Variants in UNC79 observed in about 807,000 individuals in gnomAD.
UNC79 encodes protein unc-79 homolog.
UNC79 carries 37 observed loss-of-function variants against 283.1 expected under a neutral mutation model. That is an observed-to-expected ratio of 0.13 (90% CI 0.10 to 0.17). UNC79 has a LOEUF of 0.17. Ranked by LOEUF, UNC79 falls within the 10% of genes least tolerant of loss-of-function variation. UNC79 has a pLI of 1.00. For synonymous variants in UNC79, 1,107 were observed against 1,200.2 expected (o/e 0.92, Z 1.61); for missense variants, 2,272 against 3,211.1 (o/e 0.71, Z 7.07).
intron 10 of UNC79, among the ~76,000 whole-genome samples, chr14:93,530,769 C>T (rs951295479): frequency 2.0e-5 from 3 of 151,976 alleles, no homozygotes; most frequent in African/African-American, 4.8e-5. Context: ...ATTAGCCGGG[C>T]GTGGCGGCGG....
In UNC79 at chr14:93,611,294, T is replaced by G. The variant is rs561683752; in HGVS notation, c.3755-1503T>G. Among the ~76,000 whole-genome samples, 3 of 150,410 alleles carry G rather than the reference T, an allele frequency of 2.0e-5. No homozygotes were observed. The South Asian group carries it at 6.4e-4, about 32-fold the overall frequency. ...TGAGTGTCCTGGAATCATACTAAAG[T>G]GTGTCAGATGGTTTTCTCTGTATTA... On this transcript the variant is annotated intron_variant, in intron 26 of 48. Coordinates refer to ENST00000555664, the Ensembl canonical transcript of UNC79.
intron 3 of UNC79, among the ~76,000 whole-genome samples, chr14:93,475,738 G>A (rs533605759): frequency 2.6e-5 from 4 of 152,276 alleles, no homozygotes; most frequent in East Asian, 3.9e-4. Flanking sequence ...ACTGTGTTAG[G>A]GGAGCTGCCC....
At chr14:93,356,465 G>A (rs892230893) in intron 1 of UNC79, among the ~76,000 whole-genome samples, 36 of 152,142 alleles carry the variant, frequency 2.4e-4, no homozygotes, top group Admixed American at 6.5e-5. Flanking sequence ...CCTCACCCAC[G>A]AGAGACTGTC....
intron 7 of UNC79, among the ~76,000 whole-genome samples, chr14:93,518,339 T>C (rs181439030): frequency 1.3e-5 from 2 of 152,106 alleles, no homozygotes; most frequent in East Asian, 3.9e-4. Context: ...TTTTAAGGAA[T>C]GTGAGCATCT....
chr14:93,506,138 A>G (rs1567020023), intron 7 of UNC79, among the ~76,000 whole-genome samples: 2 of 151,696 alleles, frequency 1.3e-5, no homozygotes, highest in Admixed American at 6.6e-5. Context: ...GTGCCATTCT[A>G]CTGAAGATAC....
intron 4 of UNC79, among the ~76,000 whole-genome samples, chr14:93,482,174 C>A (rs1172469907): frequency 6.6e-6 from 1 of 152,180 alleles, no homozygotes; most frequent in Non-Finnish European, 1.5e-5. Flanking sequence ...TTGAAATTCA[C>A]ACACTGTCCT....
intron 1 of UNC79, among the ~76,000 whole-genome samples, chr14:93,424,797 G>T (rs1371186817): frequency 6.6e-6 from 1 of 152,096 alleles, no homozygotes; most frequent in Non-Finnish European, 1.5e-5. Context: ...TCTAGTATTT[G>T]CTAGCTCAGT....
chr14:93,442,876 G>A (rs1192810389), intron 1 of UNC79, among the ~76,000 whole-genome samples: 2 of 152,040 alleles, frequency 1.3e-5, no homozygotes, highest in Non-Finnish European at 2.9e-5. Context: ...ATCACTTTAG[G>A]TCAGGAGTTT....
chr14:93,486,656 GGAAAAAAAAAAA>G (rs2058455845), intron 4 of UNC79, among the ~76,000 whole-genome samples: 1 of 78,508 alleles, frequency 1.3e-5, no homozygotes, highest in African/African-American at 4.2e-5. Flanking sequence ...CTCTGTCTAA[GGAAAAAAAAAAA>G]AAAAAAAAAA....
chr14:93,389,836 A>G (rs1353894047), intron 1 of UNC79, among the ~76,000 whole-genome samples: 1 of 152,132 alleles, frequency 6.6e-6, no homozygotes, highest in Non-Finnish European at 1.5e-5. Flanking sequence ...TATTTTTAGT[A>G]GAGATGGGGT....
chr14:93,599,382 G>A (rs866648239), intron 24 of UNC79, among the ~76,000 whole-genome samples: 4 of 151,132 alleles, frequency 2.6e-5, no homozygotes, highest in African/African-American at 7.4e-5. Context: ...GTGTGTGTGT[G>A]TGTATGTGTG....
intron 1 of UNC79, among the ~76,000 whole-genome samples, chr14:93,352,227 A>G (rs2053992434): frequency 2.6e-5 from 4 of 152,168 alleles, no homozygotes; most frequent in South Asian, 2.1e-4. Context: ...CACAGGCTCA[A>G]TCTTCTGATT....
At chr14:93,536,782 C>A (rs34525413) in intron 11 of UNC79, among the ~76,000 whole-genome samples, 1 of 82,434 alleles carries the variant, frequency 1.2e-5, no homozygotes, top group East Asian at 4.5e-4. Flanking sequence ...CCACCCCCGG[C>A]TTTTTTTTTT....
chr14:93,509,889 G>A (rs1395552456), intron 7 of UNC79, among the ~76,000 whole-genome samples: 2 of 152,162 alleles, frequency 1.3e-5, no homozygotes, highest in Non-Finnish European at 2.9e-5. Flanking sequence ...CTGTGTACGG[G>A]CTTCAACTCT....
intron 1 of UNC79, among the ~76,000 whole-genome samples, chr14:93,349,695 C>T (rs1182058898): frequency 2.0e-5 from 3 of 152,140 alleles, no homozygotes; most frequent in Admixed American, 1.3e-4. Flanking sequence ...TGAAAGTGGA[C>T]TGTTTAAAGT....
At chr14:93,678,839 A>G (rs2073583099) in intron 41 of UNC79, among the ~76,000 whole-genome samples, 1 of 152,222 alleles carries the variant, frequency 6.6e-6, no homozygotes, top group Non-Finnish European at 1.5e-5. Flanking sequence ...CTTTTTAATG[A>G]AAAAGAGGCG....
At chr14:93,464,446 C>T (rs754521026) in intron 1 of UNC79, 54 of 444,596 alleles carry the variant, frequency 1.2e-4, no homozygotes, top group Non-Finnish European at 2.2e-4. Flanking sequence ...GGACAGCAGT[C>T]AGATTGGATT....
At chr14:93,581,747 C>T (rs1013758505) in intron 19 of UNC79, among the ~76,000 whole-genome samples, 1 of 152,090 alleles carries the variant, frequency 6.6e-6, no homozygotes, top group Non-Finnish European at 1.5e-5. Context: ...CCACCTCGGC[C>T]TCCCAAAGTG....
intron 19 of UNC79, among the ~76,000 whole-genome samples, chr14:93,581,051 C>T (rs1480987846): frequency 3.3e-5 from 5 of 151,904 alleles, no homozygotes; most frequent in African/African-American, 4.8e-5. Context: ...TAGCTGTTGA[C>T]AGACACTTGG....
Sources: gnomAD v4.1 joint callset for allele counts (sites outside exome capture counted in the v4.1 genomes callset) on GRCh38, gnomAD v4.1.1 for gene constraint, MANE v1.5 for transcripts, NCBI Gene and HGNC (gene_info 2026-07-23, HGNC 2026-07-21) for gene names.